The following SGO1 variants were observed in gnomAD, a reference collection of about 807,000 sequenced individuals.
SGO1 encodes the protein serologically defined breast cancer antigen NY-BR-85.
SGO1 carries 39 observed loss-of-function variants against 50.5 expected under a neutral mutation model. That is an observed-to-expected ratio of 0.77 (90% CI 0.60 to 1.01). The LOEUF (loss-of-function observed/expected upper bound fraction) is 1.01, where lower values mean the gene tolerates loss of function less well. Among genes scored for constraint, SGO1 ranks in the 50% least tolerant of loss-of-function variants. The pLI is 0.00. For synonymous variants in SGO1, 191 were observed against 205.1 expected (o/e 0.93, Z 0.59); for missense variants, 638 against 606.0 (o/e 1.05, Z -0.55).
At chr3:20,183,581 G>A in intron 3 of SGO1, 27 bp downstream of exon 3, 1 of 1,531,664 alleles carries the variant, frequency 6.5e-7, no homozygotes, top group South Asian at 1.3e-5. Context: ...ACTAAACTAA[G>A]AAATTCGGCC....
At chr3:20,165,193 C>T (rs370451503), downstream of SGO1, among the ~76,000 whole-genome samples, 18 of 152,266 alleles carry the variant, frequency 1.2e-4, no homozygotes, top group Admixed American at 7.8e-4. Flanking sequence ...AGAGATCACA[C>T]GGCAAGAAAG....
At chr3:20,174,172 A>G in intron 6 of SGO1, 77 bp downstream of exon 6, 2 of 1,115,318 alleles carry the variant, frequency 1.8e-6, no homozygotes, top group Middle Eastern at 2.0e-4. Context: ...AACAGATGGT[A>G]AGTATAGTAT....
At chr3:20,164,632 T>C (rs1326320603), downstream of SGO1, among the ~76,000 whole-genome samples, 1 of 152,070 alleles carries the variant, frequency 6.6e-6, no homozygotes, top group African/African-American at 2.4e-5. Flanking sequence ...AGAAGTAAAT[T>C]GTCTTTACGT....
At chr3:20,177,537 T>C (rs1701536881) in intron 4 of SGO1, among the ~76,000 whole-genome samples, 1 of 152,200 alleles carries the variant, frequency 6.6e-6, no homozygotes, top group Admixed American at 6.5e-5. Flanking sequence ...TTTTTTGTTC[T>C]CCTGATGATG....
At chr3:20,182,255 GAAGC>G (rs1196123955) in intron 3 of SGO1, among the ~76,000 whole-genome samples, 1 of 152,030 alleles carries the variant, frequency 6.6e-6, no homozygotes, top group African/African-American at 2.4e-5. Flanking sequence ...AATCAAAAGG[GAAGC>G]AAGAACTCTT....
chr3:20,181,565 A>C (rs114308350), intron 3 of SGO1, among the ~76,000 whole-genome samples: 1 of 152,220 alleles, frequency 6.6e-6, no homozygotes, highest in African/African-American at 2.4e-5. Context: ...GTTTTTAATA[A>C]ATACTCAAAA....
At position 20,186,090 on chromosome 3, in the gene SGO1, C is replaced by G. The variant is rs1259082750; in HGVS notation, c.-150G>C. The stretch of plus-strand genomic sequence containing the variant: ...CACTACTTCTGCAACAGCTATCTTC[C>G]TCCTCCTCACATTTCAAGGCTCTTC... On this transcript the variant is annotated 5_prime_UTR_variant, in exon 1 of 8. Coordinates refer to ENST00000412997, the MANE Select transcript of SGO1 (RefSeq NM_001199251.3). 1 of 152,724 alleles carries G rather than the reference C, an allele frequency of 6.5e-6. No individual in the cohort carries two copies. The highest frequency in any genetic ancestry group is 1.9e-4 in the East Asian group (1 of 5,206). The allele number at this position is 152,724 out of a possible 1,614,324, so 9.5% of individuals were successfully genotyped here.
chr3:20,176,011 G>A (rs1202560412), intron 5 of SGO1, among the ~76,000 whole-genome samples: 2 of 152,174 alleles, frequency 1.3e-5, no homozygotes, highest in East Asian at 3.9e-4. Flanking sequence ...TGTATTTTAA[G>A]GAAAAGTGGG....
chr3:20,169,318 A>G (rs570654204), downstream of SGO1: 30 of 983,794 alleles, frequency 3.0e-5, no homozygotes, highest in African/African-American at 4.9e-4. Context: ...TGAGAGTTTT[A>G]TAGCAATGAC....
intron 6 of SGO1, 54 bp from the exon 7 acceptor site, chr3:20,171,286 CT>C: frequency 7.0e-7 from 1 of 1,424,514 alleles, no homozygotes; most frequent in Non-Finnish European, 9.4e-7. Flanking sequence ...CACACAAAAA[CT>C]TAAATTGTAC....
Position 20,174,618 on chromosome 3 carries a change from G to A in SGO1, c.913C>T (p.Arg305Cys), listed in dbSNP as rs1488703946. 39 of 1,599,558 alleles carry A rather than the reference G, an allele frequency of 2.4e-5. No individual in the cohort carries two copies. The highest frequency in any genetic ancestry group is 3.3e-5 in the Non-Finnish European group (39 of 1,174,076). Reference protein sequence around the residue: ...KRKANRRKSKRMSKYKENKSE... With the variant: ...KRKANRRKSKCMSKYKENKSE... ...TTATTCTCTTTATATTTTGACATACGTTTTGATTTTCTCCTGTTAGCTTTT... is the reference window on the plus strand; with the variant it reads ...TTATTCTCTTTATATTTTGACATACATTTTGATTTTCTCCTGTTAGCTTTT... The change falls in exon 6 of 8, where the codon CGT (arginine) becomes TGT (cysteine). Residue 305 changes from arginine to cysteine, a missense_variant. Arg to Cys is a radical substitution (Grantham distance 180). Coordinates refer to ENST00000412997, the MANE Select transcript of SGO1 (RefSeq NM_001199251.3).
Position 20,175,005 on chromosome 3 carries a change from C to T in SGO1, c.526G>A (p.Gly176Ser). 2.5e-6 allele frequency: 4 copies of T among 1,592,658 alleles called. No individual in the cohort carries two copies. The highest frequency in any genetic ancestry group is 3.4e-6 in the Non-Finnish European group (4 of 1,169,360). Residue 176 changes from glycine (G) to serine (S), a missense_variant, in exon 6 of 8, where the codon GGT (glycine) becomes AGT (serine). Physicochemically the swap from Gly to Ser is moderately conservative, Grantham distance 56. Transcript: ENST00000412997. ...ACATTATCAGTAGACTTAGCTTCAC[C>T]TGAATCAAAATCAACTCCCAGTGTG... ...QDTLGVDFDS[G>S]EAKSTDNVLP...
At chr3:20,169,371 CT>C, downstream of SGO1, 1 of 984,706 alleles carries the variant, frequency 1.0e-6, no homozygotes, top group Non-Finnish European at 1.2e-6. Flanking sequence ...ACACCCCCCC[CT>C]CAAAAAAGAG....
downstream of SGO1, among the ~76,000 whole-genome samples, chr3:20,167,746 G>T (rs563706428): frequency 6.6e-6 from 1 of 152,224 alleles, no homozygotes; most frequent in South Asian, 2.1e-4. Context: ...AGAATTGGTG[G>T]AACCACTGTA....
intron 8 of SGO1, among the ~76,000 whole-genome samples, chr3:20,164,352 G>A (rs1477848778): frequency 6.6e-6 from 1 of 151,862 alleles, no homozygotes; most frequent in African/African-American, 2.4e-5. Flanking sequence ...TAAAGTAACT[G>A]ACAAAGTTCA....
Position 20,169,939 on chromosome 3 carries a change from T to C in SGO1, c.*765A>G, listed in dbSNP as rs890020295. The C allele has an allele frequency of 9.2e-6, 9 of 983,204 alleles. No individual in the cohort carries two copies. Among genetic ancestry groups the C allele is most frequent in the Non-Finnish European group, 1.1e-5 (9 of 828,036 alleles). 60.9% of individuals were successfully genotyped at this position (983,204 alleles called of 1,614,324 possible). ...GAATACTACACAGAGTTTCAAAAGA[T>C]CCACAATAATTTATTTTACTCAAAT... On this transcript the variant is annotated 3_prime_UTR_variant, in exon 8 of 8. Coordinates refer to ENST00000412997, the MANE Select transcript of SGO1 (RefSeq NM_001199251.3).
In SGO1 at chr3:20,174,638, G is replaced by GCTTTT. The variant is rs1701163071; in HGVS notation, c.888_892dup (p.Ala298GlufsTer57). On this transcript the variant is annotated frameshift_variant, in exon 6 of 8. Transcript: ENST00000412997. LOFTEE classifies it high-confidence loss of function. ...CATACGTTTTGATTTTCTCCTGTTA[G>GCTTTT]CTTTTCTTTTCTCTTCTCTTTTTCT... 7 of 1,601,508 alleles carry GCTTTT rather than the reference G, an allele frequency of 4.4e-6. No individual in the cohort carries two copies. The highest frequency in any genetic ancestry group is 5.1e-6 in the Non-Finnish European group (6 of 1,174,778).
chr3:20,173,608 A>G (rs1454403244), intron 6 of SGO1, among the ~76,000 whole-genome samples: 1 of 152,238 alleles, frequency 6.6e-6, no homozygotes, highest in Admixed American at 6.5e-5. Context: ...ATGTGACAAT[A>G]TTTTGAAAAT....
chr3:20,161,196 GCTT>G (rs757274839), exon 9 of SGO1: 2 of 1,608,040 alleles, frequency 1.2e-6, no homozygotes, highest in Admixed American at 3.4e-5. Context: ...AATAAAAATT[GCTT>G]CTTTGGCAGG....
Sources: allele counts gnomAD v4.1 joint callset (sites outside exome capture counted in the v4.1 genomes callset), GRCh38; gene constraint gnomAD v4.1.1; transcripts MANE v1.5; gene names NCBI Gene and HGNC (gene_info 2026-07-23, HGNC 2026-07-21).